The following IARS2 variants were observed in gnomAD, a reference collection of about 807,000 sequenced individuals.
The protein encoded by IARS2 is isoleucine--tRNA ligase, mitochondrial.
Under a neutral mutation model 126.3 loss-of-function variants are expected in IARS2, and 56 were observed. The observed-to-expected ratio is 0.44, with a 90% CI of 0.36 to 0.55. The LOEUF (loss-of-function observed/expected upper bound fraction) is 0.55. IARS2 is among the 20% of genes least tolerant of loss of function. The pLI, the probability that IARS2 is intolerant of heterozygous loss-of-function variation, is 0.00. For missense variants in IARS2, 1,127 were observed against 1,245.9 expected, an observed-to-expected ratio of 0.90 and a Z score of 1.44; for synonymous variants, 407 against 441.1, an observed-to-expected ratio of 0.92 and a Z score of 0.97.
rs768799338 is a variant in IARS2 at position 220,103,578 on chromosome 1, T to C, written c.1066+16T>C. 6.8e-7 allele frequency: 1 copy of C among 1,464,932 alleles called. No individual in the cohort carries two copies. The highest frequency in any genetic ancestry group is 1.4e-5 in the African/African-American group (1 of 72,064). 90.7% of individuals were successfully genotyped at this position (1,464,932 alleles called of 1,614,324 possible). A position where few individuals can be genotyped will look rare whatever the true frequency, so the allele number is the denominator to read the frequency against. ...ACACTTTCAGGTGAAGATTTTTAGA[T>C]ATCTGACAACATAGTCATCAAAGTA... On this transcript the variant is annotated intron_variant, in intron 8 of 22. Coordinates refer to ENST00000366922, the MANE Select transcript of IARS2 (RefSeq NM_018060.4).
At position 220,137,980 on chromosome 1, in the gene IARS2, T is replaced by C. The variant is rs1657412852; in HGVS notation, c.2112T>C (p.Asn704=). 4 of 1,614,188 alleles carry C rather than the reference T, an allele frequency of 2.5e-6. No homozygotes were observed. The highest frequency in any genetic ancestry group is 3.4e-6 in the Non-Finnish European group (4 of 1,180,008). Residue 704 remains asparagine, a synonymous_variant, in exon 17 of 23, where the codon AAT becomes AAC. Coordinates refer to ENST00000366922, the MANE Select transcript of IARS2 (RefSeq NM_018060.4). The part of the protein sequence containing the change: ...DVLRWWVADS[N]VFTEVAIGPS... Reference sequence around the variant, plus strand: ...TTCGCTGGTGGGTAGCTGATTCCAATGTCTTCACCGAAGTTGCAATTGGCC... The same window carrying C: ...TTCGCTGGTGGGTAGCTGATTCCAACGTCTTCACCGAAGTTGCAATTGGCC...
chr1:220,097,872 C>G (rs1656479787), intron 2 of IARS2, among the ~76,000 whole-genome samples: 1 of 151,950 alleles, frequency 6.6e-6, no homozygotes, highest in Admixed American at 6.6e-5. Context: ...ACAGTGGCAT[C>G]TTTTGTTGTT....
At chr1:220,111,030 A>G (rs1247127294) in intron 11 of IARS2, 93 bp downstream of exon 11, 31 of 1,136,444 alleles carry the variant, frequency 2.7e-5, no homozygotes, top group Admixed American at 1.7e-4. Context: ...TTCAGGAGTA[A>G]TAGGGATTGC....
intron 22 of IARS2, among the ~76,000 whole-genome samples, chr1:220,147,222 TCTGC>T (rs1165352777): frequency 6.6e-6 from 1 of 151,910 alleles, no homozygotes; most frequent in African/African-American, 2.4e-5. Context: ...GAAAGTCTGC[TCTGC>T]CTGAGTAGAT....
At position 220,116,994 on chromosome 1, in the gene IARS2, C is replaced by T. The variant is rs1215522861; in HGVS notation, c.1640+2520C>T. On this transcript the variant is annotated intron_variant, in intron 12 of 22. Coordinates refer to ENST00000366922, the MANE Select transcript of IARS2 (RefSeq NM_018060.4). The stretch of plus-strand genomic sequence containing the variant: ...CTCCTGGCCACAAAGGATCCATCCA[C>T]CTCTGCCTCCCAGAGTGCTGAGATT... Among the ~76,000 whole-genome samples, 26 of 152,122 alleles carry T rather than the reference C, an allele frequency of 1.7e-4. No individual in the cohort carries two copies. The East Asian group carries it at 4.6e-3, about 27-fold the overall frequency.
At chr1:220,123,651 T>A (rs977074210) in intron 12 of IARS2, among the ~76,000 whole-genome samples, 1 of 151,644 alleles carries the variant, frequency 6.6e-6, no homozygotes, top group Non-Finnish European at 1.5e-5. Flanking sequence ...TTTTTTTGTA[T>A]TTTTTTTAGT....
At chr1:220,144,262 C>T in intron 21 of IARS2, 3 of 765,428 alleles carry the variant, frequency 3.9e-6, no homozygotes, top group Non-Finnish European at 7.1e-6. Flanking sequence ...GACTTTGGAG[C>T]ACGGCCTAAT....
At chr1:220,126,916 A>G (rs781124398) in intron 14 of IARS2, 73 bp downstream of exon 14, 94 of 1,033,892 alleles carry the variant, frequency 9.1e-5, no homozygotes, top group Middle Eastern at 4.3e-4. Flanking sequence ...GAAGGGATCT[A>G]TAATCAAACT....
intron 10 of IARS2, among the ~76,000 whole-genome samples, chr1:220,107,643 T>A (rs533090403): frequency 2.2e-4 from 34 of 152,346 alleles, no homozygotes; most frequent in African/African-American, 8.2e-4. Context: ...AGACCTGATA[T>A]ATTACTTTTC....
intron 22 of IARS2, among the ~76,000 whole-genome samples, chr1:220,146,691 C>T (rs1442440641): frequency 6.6e-6 from 1 of 151,906 alleles, no homozygotes; most frequent in Non-Finnish European, 1.5e-5. Context: ...TTTTTTCTTT[C>T]GGACGGAATT....
intron 7 of IARS2, 81 bp downstream of exon 7, chr1:220,102,858 C>A (rs1656605937): frequency 1.2e-5 from 10 of 823,348 alleles, no homozygotes; most frequent in Non-Finnish European, 2.0e-5. Context: ...TTTATTTTAT[C>A]CTGTTTATTA....
rs557160675 is a variant in IARS2 at position 220,125,303 on chromosome 1, C to G, written c.1707C>G (p.Pro569=). The change falls in exon 13 of 23, where the codon CCC becomes CCG. Residue 569 remains proline (P), a synonymous_variant. Coordinates refer to ENST00000366922, the MANE Select transcript of IARS2 (RefSeq NM_018060.4). ...GCAGTGATATCTGGTGGACTCTTCC[C>G]CCTGAACAACTTCTTCCAAAAGAAG... is the stretch of plus-strand genomic sequence containing the variant. ...QHGSDIWWTL[P]PEQLLPKEVL... 21 of 1,613,386 alleles carry G rather than the reference C, an allele frequency of 1.3e-5. No individual in the cohort carries two copies. Among genetic ancestry groups the G allele is most frequent in the Non-Finnish European group, 1.8e-5 (21 of 1,179,566 alleles).
rs202171065 is a variant in IARS2 at position 220,136,809 on chromosome 1, G to A, written c.1947G>A (p.Lys649=). ...TAAAATAGCTGATTTGTCCCTTTAGGACAGTGATTGTTCATGGATTTACCC... is the reference window on the plus strand; with the variant it reads ...TAAAATAGCTGATTTGTCCCTTTAGAACAGTGATTGTTCATGGATTTACCC... ...SVAARKRAPY[K]TVIVHGFTLG... is the part of the protein sequence containing the mutation. Residue 649 remains lysine, a splice_region_variant and synonymous_variant, in exon 16 of 23, where the codon AAG becomes AAA. Transcript: ENST00000366922. The A allele has an allele frequency of 1.3e-6, 2 of 1,545,424 alleles. No individual in the cohort carries two copies. The highest frequency in any genetic ancestry group is 4.5e-5 in the East Asian group (2 of 44,440).
At chr1:220,136,731 C>A in intron 15 of IARS2, 78 bp from the exon 16 acceptor site, 2 of 617,720 alleles carry the variant, frequency 3.2e-6, no homozygotes, top group South Asian at 2.6e-5. Flanking sequence ...CTTAGATACT[C>A]TTTTTAAGCT....
chr1:220,094,144 T>C lies in IARS2; in HGVS notation c.-73T>C. 1.7e-6 allele frequency: 2 copies of C among 1,173,644 alleles called. No individual in the cohort carries two copies. The highest frequency in any genetic ancestry group is 1.1e-6 in the Non-Finnish European group (1 of 928,214). The allele number at this position is 1,173,644 out of a possible 1,614,324, so 72.7% of individuals were successfully genotyped here. On this transcript the variant is annotated 5_prime_UTR_variant, in exon 1 of 23. Coordinates refer to ENST00000366922, the MANE Select transcript of IARS2 (RefSeq NM_018060.4). ...CGTGCGCCCTCTTACTCGGCTCCCC[T>C]TGGTTTCCTGGGGTCCTGCCCCTTC... is the stretch of plus-strand genomic sequence containing the variant.
chr1:220,146,655 G>A (rs1657599964), intron 22 of IARS2, among the ~76,000 whole-genome samples: 1 of 151,832 alleles, frequency 6.6e-6, no homozygotes, highest in African/African-American at 2.4e-5. Flanking sequence ...TGTAGTAAAA[G>A]TTCTGGCTTA....
intron 10 of IARS2, among the ~76,000 whole-genome samples, chr1:220,110,130 C>T (rs138353029): frequency 3.3e-5 from 5 of 151,304 alleles, no homozygotes; most frequent in South Asian, 2.1e-4. Flanking sequence ...TCTCGGTTCA[C>T]TACAGCCTCC....
In IARS2 at chr1:220,114,461, T is replaced by C. The variant is rs145906843; in HGVS notation, c.1627T>C (p.Tyr543His). 8 of 1,611,188 alleles carry C rather than the reference T, an allele frequency of 5.0e-6. No homozygotes were observed. Among genetic ancestry groups the C allele is most frequent in the Non-Finnish European group, 6.8e-6 (8 of 1,179,056 alleles). Residue 543 changes from tyrosine (Y) to histidine (H), a missense_variant, in exon 12 of 23, where the codon TAC (tyrosine) becomes CAC (histidine). Coordinates refer to ENST00000366922, the MANE Select transcript of IARS2 (RefSeq NM_018060.4). ...PVFHHKTKDEYLINSQTTEHI... is the reference protein window; with the variant it reads ...PVFHHKTKDEHLINSQTTEHI... Reference sequence around the variant, plus strand: ...GTTTCATCATAAGACCAAGGATGAATACTTGATCAACAGGTAGAATGCTTT... The same window carrying C: ...GTTTCATCATAAGACCAAGGATGAACACTTGATCAACAGGTAGAATGCTTT...
intron 16 of IARS2, among the ~76,000 whole-genome samples, chr1:220,137,196 G>C (rs1657394451): frequency 6.6e-6 from 1 of 151,972 alleles, no homozygotes; most frequent in Non-Finnish European, 1.5e-5. Flanking sequence ...TGATGATTGG[G>C]TTTTCGCACT....
Sources: gnomAD v4.1 joint callset for allele counts (sites outside exome capture counted in the v4.1 genomes callset) on GRCh38, gnomAD v4.1.1 for gene constraint, MANE v1.5 for transcripts, NCBI Gene and HGNC (gene_info 2026-07-23, HGNC 2026-07-21) for gene names.